The following HGSNAT variants were observed in gnomAD, a reference collection of about 807,000 sequenced individuals.
The protein encoded by HGSNAT is heparan-alpha-glucosaminide N-acetyltransferase.
A neutral mutation model predicts 85.2 loss-of-function variants in HGSNAT; 59 were observed. The observed-to-expected ratio is 0.69, with a 90% CI of 0.56 to 0.86. HGSNAT has a LOEUF of 0.86. HGSNAT is among the 40% of genes least tolerant of loss of function. The pLI, the probability that HGSNAT is intolerant of heterozygous loss-of-function variation, is 0.00. For synonymous variants in HGSNAT, 321 were observed against 304.5 expected, an observed-to-expected ratio of 1.05 and a Z score of -0.56; for missense variants, 756 against 777.1, an observed-to-expected ratio of 0.97 and a Z score of 0.32.
intron 5 of HGSNAT, among the ~76,000 whole-genome samples, chr8:43,163,720 C>G (rs1262335333): frequency 6.6e-6 from 1 of 152,030 alleles, no homozygotes; most frequent in African/African-American, 2.4e-5. Context: ...GTTTCAGCAT[C>G]TTGGCCAAGC....
intron 1 of HGSNAT, among the ~76,000 whole-genome samples, chr8:43,145,020 G>C (rs1255275013): frequency 6.6e-6 from 1 of 152,206 alleles, no homozygotes; most frequent in Non-Finnish European, 1.5e-5. Context: ...TCAGATTTCA[G>C]AGGTGGAGAC....
intron 11 of HGSNAT, among the ~76,000 whole-genome samples, chr8:43,182,756 T>C (rs1804175568): frequency 6.6e-6 from 1 of 152,156 alleles, no homozygotes; most frequent in Non-Finnish European, 1.5e-5. Context: ...AAAACAGTGT[T>C]TTTTAAAAAA....
chr8:43,142,445 C>T (rs1802580380), intron 1 of HGSNAT, among the ~76,000 whole-genome samples: 1 of 151,838 alleles, frequency 6.6e-6, no homozygotes, highest in Admixed American at 6.6e-5. Context: ...GTCCTTTGGT[C>T]GTGTCTGTAA....
At position 43,155,161 on chromosome 8, in the gene HGSNAT, C is replaced by A. The variant is rs139871365; in HGVS notation, c.235-3414C>A. 4.4e-3 allele frequency among the ~76,000 whole-genome samples: 662 copies of A among 152,096 alleles called. 4 individuals carry two copies. The highest frequency in any genetic ancestry group is 0.015 in the African/African-American group (633 of 41,508). The stretch of plus-strand genomic sequence containing the variant: ...ATTTTTAGGAACCTTCATATTGTTT[C>A]CCACAATGGCTGTACTAATTTATAT... On this transcript the variant is annotated intron_variant, in intron 2 of 17. Coordinates refer to ENST00000379644, the MANE Select transcript of HGSNAT (RefSeq NM_152419.3).
rs753890931 is a variant in HGSNAT at position 43,199,632 on chromosome 8, C to T, written c.*63C>T. The T allele has an allele frequency of 5.4e-6, 7 of 1,289,478 alleles. No homozygotes were observed. The highest frequency in any genetic ancestry group is 6.2e-6 in the Non-Finnish European group (6 of 967,366). 79.9% of individuals were successfully genotyped at this position (1,289,478 alleles called of 1,614,324 possible). On this transcript the variant is annotated 3_prime_UTR_variant, in exon 18 of 18. Transcript: ENST00000379644. ...AGGCCTGCAGGGAGGACTGAAGCAG[C>T]CTTTGTTAAAGGGAAGCATTCATTA... is the stretch of plus-strand genomic sequence containing the variant.
intron 10 of HGSNAT, among the ~76,000 whole-genome samples, chr8:43,179,213 C>T (rs1428523786): frequency 1.2e-4 from 18 of 151,298 alleles, no homozygotes; most frequent in African/African-American, 3.9e-4. Flanking sequence ...CCTCACCTCC[C>T]GGATGGGGCG....
At chr8:43,177,415 GGGCAC>G (rs1803848580) in intron 9 of HGSNAT, among the ~76,000 whole-genome samples, 1 of 151,746 alleles carries the variant, frequency 6.6e-6, no homozygotes, top group South Asian at 2.1e-4. Context: ...AAAATTAGCC[GGGCAC>G]GGTGGCGGGC....
At chr8:43,150,511 AAAAAG>A (rs763481188) in intron 2 of HGSNAT, among the ~76,000 whole-genome samples, 23 of 151,816 alleles carry the variant, frequency 1.5e-4, no homozygotes, top group Non-Finnish European at 2.8e-4. Context: ...AAAATACATA[AAAAAG>A]AAAAGATATT....
chr8:43,197,516 T>A (rs893884396), intron 15 of HGSNAT, 156 bp from the exon 16 acceptor site: 1 of 623,980 alleles, frequency 1.6e-6, no homozygotes, highest in Non-Finnish European at 2.8e-6. Flanking sequence ...GTTCATACAT[T>A]TAAAAAAATA....
intron 12 of HGSNAT, 100 bp from the exon 13 acceptor site, chr8:43,192,204 A>T (rs575780157): frequency 7.4e-7 from 1 of 1,348,794 alleles, no homozygotes; most frequent in Admixed American, 2.3e-5. Context: ...TTGGGATTAC[A>T]GGCGTGAGCC....
chr8:43,188,709 T>C (rs1804413280), intron 11 of HGSNAT, among the ~76,000 whole-genome samples: 1 of 152,236 alleles, frequency 6.6e-6, no homozygotes, highest in Non-Finnish European at 1.5e-5. Flanking sequence ...TGCGTTCCTT[T>C]GGAGGAGAAG....
At chr8:43,195,369 A>G (rs542736450) in intron 14 of HGSNAT, among the ~76,000 whole-genome samples, 160 of 152,226 alleles carry the variant, frequency 1.1e-3, no homozygotes, top group African/African-American at 3.7e-3. Context: ...AAGAAAAGAA[A>G]ATGTTATTAA....
At chr8:43,149,572 C>T (rs1047709789) in intron 2 of HGSNAT, among the ~76,000 whole-genome samples, 6 of 151,338 alleles carry the variant, frequency 4.0e-5, no homozygotes, top group Admixed American at 1.3e-4. Context: ...TGGTGGCGGG[C>T]GCCTGTAGTC....
In HGSNAT at chr8:43,140,553, C is replaced by T; in HGVS notation, c.57C>T (p.Ser19=). ...TGCTGCTGGCCGCGTCCGTGCTGAG[C>T]GCCGCGCTGCTGGCCCCCGGCGGCT... ...AALLLAASVL[S]AALLAPGGSS... is the part of the protein sequence containing the mutation. The change falls in exon 1 of 18, where the codon AGC becomes AGT. Residue 19 remains serine (S), a synonymous_variant. Coordinates refer to ENST00000379644, the MANE Select transcript of HGSNAT (RefSeq NM_152419.3). 1 of 1,193,604 alleles carries T rather than the reference C, an allele frequency of 8.4e-7. No individual in the cohort carries two copies. Among genetic ancestry groups the T allele is most frequent in the Non-Finnish European group, 1.0e-6 (1 of 960,200 alleles). 73.9% of individuals were successfully genotyped at this position (1,193,604 alleles called of 1,614,324 possible).
chr8:43,196,838 G>T, intron 14 of HGSNAT, 110 bp from the exon 15 acceptor site: 1 of 714,416 alleles, frequency 1.4e-6, no homozygotes. Flanking sequence ...GCACCTAGTA[G>T]CGTGCCCAGC....
At chr8:43,178,359 A>G (rs1437764151) in intron 10 of HGSNAT, 125 bp downstream of exon 10, 3 of 666,474 alleles carry the variant, frequency 4.5e-6, no homozygotes, top group Non-Finnish European at 7.2e-6. Flanking sequence ...TTAGGAAAGT[A>G]TATACAATGG....
In HGSNAT at chr8:43,147,141, C is replaced by T. The variant is rs769267760; in HGVS notation, c.234+78C>T. 3 of 786,970 alleles carry T rather than the reference C, an allele frequency of 3.8e-6. No homozygotes were observed. In the Admixed American group the frequency reaches 9.9e-5, roughly 26 times the overall value. The allele number at this position is 786,970 out of a possible 1,614,324, so 48.7% of individuals were successfully genotyped here. Reference sequence around the variant, plus strand: ...ATCCTTAATGCTCTCATGTCTAAAGCCCTTCACAAGTTAATTTCAGTTTTG... The same window carrying T: ...ATCCTTAATGCTCTCATGTCTAAAGTCCTTCACAAGTTAATTTCAGTTTTG... On this transcript the variant is annotated intron_variant, in intron 2 of 17. Coordinates refer to ENST00000379644, the MANE Select transcript of HGSNAT (RefSeq NM_152419.3).
chr8:43,171,857 T>C (rs1260331481), intron 7 of HGSNAT, among the ~76,000 whole-genome samples: 1 of 152,202 alleles, frequency 6.6e-6, no homozygotes, highest in African/African-American at 2.4e-5. Context: ...ATGAGCACAC[T>C]GAGTTTACTG....
chr8:43,179,630 C>T (rs1352434241), intron 10 of HGSNAT, among the ~76,000 whole-genome samples: 1 of 42,228 alleles, frequency 2.4e-5, no homozygotes, highest in Admixed American at 1.9e-4. Context: ...CGCCCCTCAC[C>T]TCCCGGACGG....
Sources: allele counts gnomAD v4.1 joint callset (sites outside exome capture counted in the v4.1 genomes callset), GRCh38; gene constraint gnomAD v4.1.1; transcripts MANE v1.5; gene names NCBI Gene and HGNC (gene_info 2026-07-23, HGNC 2026-07-21).